The following CAB39 variants were observed in gnomAD, a reference collection of about 807,000 sequenced individuals.
The protein encoded by CAB39 is calcium binding protein 39.
In CAB39, 8 loss-of-function variants were observed where a neutral mutation model predicts 40.0. That is an observed-to-expected ratio of 0.20 (90% CI 0.12 to 0.36). The LOEUF is 0.36. Ranked by LOEUF, CAB39 falls within the 10% of genes least tolerant of loss-of-function variation. The pLI, the probability that CAB39 is intolerant of heterozygous loss-of-function variation, is 1.00. For missense variants in CAB39, 270 were observed against 401.1 expected, an observed-to-expected ratio of 0.67 and a Z score of 2.79; for synonymous variants, 156 against 141.6, an observed-to-expected ratio of 1.10 and a Z score of -0.72.
At chr2:230,764,761 G>T (rs756353646) in intron 2 of CAB39, among the ~76,000 whole-genome samples, 1 of 152,214 alleles carries the variant, frequency 6.6e-6, no homozygotes, top group Non-Finnish European at 1.5e-5. Flanking sequence ...AGTCTGAATA[G>T]TGTGTCTGTC....
intron 7 of CAB39, among the ~76,000 whole-genome samples, chr2:230,816,307 T>G (rs1197835189): frequency 6.6e-6 from 1 of 152,230 alleles, no homozygotes; most frequent in Non-Finnish European, 1.5e-5. Flanking sequence ...TGAAGTCATC[T>G]TCCTTCAGAT....
intron 2 of CAB39, among the ~76,000 whole-genome samples, chr2:230,774,466 C>G (rs114536913): frequency 0.02 from 2,999 of 152,038 alleles, 92 homozygotes; most frequent in African/African-American, 0.068. Flanking sequence ...TTTTAGGTAA[C>G]TAGGGGCAGG....
chr2:230,811,188 ACTC>A (rs969659967), intron 6 of CAB39, among the ~76,000 whole-genome samples: 3 of 152,224 alleles, frequency 2.0e-5, no homozygotes, highest in Non-Finnish European at 4.4e-5. Context: ...TTTTTCCACT[ACTC>A]ATTTAAATTT....
intron 1 of CAB39, among the ~76,000 whole-genome samples, chr2:230,743,964 G>A (rs1026763802): frequency 1.2e-4 from 17 of 145,742 alleles, no homozygotes; most frequent in South Asian, 4.3e-4. Flanking sequence ...CTGTCACCCC[G>A]GCTGGAGTGC....
chr2:230,748,763 T>A (rs1382106568), intron 1 of CAB39, among the ~76,000 whole-genome samples: 2 of 138,140 alleles, frequency 1.4e-5, no homozygotes, highest in African/African-American at 5.3e-5. Context: ...GCTGAGATCA[T>A]GCCACTGCAC....
chr2:230,792,337 TAAAAG>T (rs1451951789), intron 3 of CAB39, among the ~76,000 whole-genome samples: 2 of 152,178 alleles, frequency 1.3e-5, no homozygotes, highest in Middle Eastern at 6.3e-3. Context: ...GACATCAACT[TAAAAG>T]AAAAGTGTGC....
At chr2:230,752,129 G>A (rs1695099904) in intron 1 of CAB39, 1 of 139,248 alleles carries the variant, frequency 7.2e-6, no homozygotes, top group Non-Finnish European at 1.5e-5. Context: ...CTTTTTTAAA[G>A]TGATGATTTT....
intron 2 of CAB39, among the ~76,000 whole-genome samples, chr2:230,776,353 C>T (rs967985587): frequency 6.6e-6 from 1 of 152,166 alleles, no homozygotes; most frequent in African/African-American, 2.4e-5. Context: ...CCAGTGGTAA[C>T]CTCTCACATA....
At chr2:230,782,659 C>T (rs1695707687) in intron 2 of CAB39, among the ~76,000 whole-genome samples, 1 of 152,002 alleles carries the variant, frequency 6.6e-6, no homozygotes, top group Admixed American at 6.5e-5. Context: ...GAGCACAAGG[C>T]AAATCACAAC....
At chr2:230,813,258 G>A (rs1192000107) in intron 6 of CAB39, among the ~76,000 whole-genome samples, 2 of 152,214 alleles carry the variant, frequency 1.3e-5, no homozygotes, top group African/African-American at 4.8e-5. Context: ...TTTCGGTTTT[G>A]TAACTCTGCT....
intron 1 of CAB39, among the ~76,000 whole-genome samples, chr2:230,730,251 G>C (rs909104621): frequency 2.6e-5 from 4 of 152,038 alleles, no homozygotes; most frequent in African/African-American, 4.8e-5. Context: ...TGGGACTGCA[G>C]GTGCACACCA....
chr2:230,818,770 C>G lies in CAB39; in HGVS notation c.*66C>G. ...GCTGTTAGCTATTCAGCATCAGGCA[C>G]TCTTATTGATTCATGAGGAACATTA... On this transcript the variant is annotated 3_prime_UTR_variant, in exon 9 of 9. Coordinates refer to ENST00000258418, the MANE Select transcript of CAB39 (RefSeq NM_016289.4). 1.6e-6 allele frequency: 2 copies of G among 1,246,300 alleles called. No individual in the cohort carries two copies. The highest frequency in any genetic ancestry group is 1.5e-5 in the African/African-American group (1 of 66,558). 77.2% of individuals were successfully genotyped at this position (1,246,300 alleles called of 1,614,324 possible). A position where few individuals can be genotyped will look rare whatever the true frequency, so the allele number is the denominator to read the frequency against.
rs1559612866 is a variant in CAB39 at position 230,793,295 on chromosome 2, G to C, written c.362G>C (p.Cys121Ser). The C allele has an allele frequency of 1.2e-6, 2 of 1,601,602 alleles. No homozygotes were observed. Among genetic ancestry groups the C allele is most frequent in the Non-Finnish European group, 1.7e-6 (2 of 1,169,748 alleles). Residue 121 changes from cysteine to serine, a missense_variant, in exon 4 of 9, where the codon TGC becomes TCC. Cys to Ser is a moderately radical substitution (Grantham distance 112, BLOSUM62 -1). Transcript: ENST00000258418. ...GTRTPTVEYICTQQNILFMLL... is the reference protein window; with the variant it reads ...GTRTPTVEYISTQQNILFMLL... ...AGAACTCCTACTGTTGAATACATCTGCACCCAACAGAATATTTTGTTCATG... is the reference window on the plus strand; with the variant it reads ...AGAACTCCTACTGTTGAATACATCTCCACCCAACAGAATATTTTGTTCATG...
chr2:230,753,359 G>A (rs373973301), intron 1 of CAB39, among the ~76,000 whole-genome samples: 40 of 152,276 alleles, frequency 2.6e-4, no homozygotes, highest in Non-Finnish European at 5.0e-4. Context: ...TAGCAGGTAC[G>A]GATTGCCACA....
At chr2:230,782,286 A>G (rs189582015) in intron 2 of CAB39, among the ~76,000 whole-genome samples, 211 of 151,276 alleles carry the variant, frequency 1.4e-3, no homozygotes, top group African/African-American at 4.9e-3. Context: ...ATTTGGATAT[A>G]TTTTTCAAGC....
In CAB39 at chr2:230,757,182, C is replaced by T. The variant is rs112735046; in HGVS notation, c.-43-2777C>T. Among the ~76,000 whole-genome samples, 1,077 of 152,276 alleles carry T rather than the reference C, an allele frequency of 7.1e-3. 12 individuals carry two copies. Among genetic ancestry groups the T allele is most frequent in the African/African-American group, 0.023 (952 of 41,538 alleles). On this transcript the variant is annotated intron_variant, in intron 1 of 8. Transcript: ENST00000258418. ...GAGTGCAGTGGTACAGTCACCACCT[C>T]TTAGGCTCAAGTGATGCTCCAGCCT...
intron 1 of CAB39, among the ~76,000 whole-genome samples, chr2:230,744,379 C>T (rs1455639144): frequency 1.3e-5 from 2 of 152,092 alleles, no homozygotes; most frequent in East Asian, 1.9e-4. Flanking sequence ...CTGCAGCCTC[C>T]ACCTCCCAGG....
At chr2:230,782,813 C>CTTTCTTTTTTTTTTTTTTTTTTTT (rs1286339069) in intron 2 of CAB39, among the ~76,000 whole-genome samples, 2 of 81,764 alleles carry the variant, frequency 2.4e-5, no homozygotes, top group Admixed American at 1.2e-4. Flanking sequence ...TTCTTTCTTT[C>CTTTCTTTTTTTTTTTTTTTTTTTT]TTTTTTTTTT....
chr2:230,744,318 A>G lies in CAB39; in HGVS notation c.-43-15641A>G, dbSNP rs548623737. On this transcript the variant is annotated intron_variant, in intron 1 of 8. Transcript: ENST00000258418. ...CATATTTTTTCTTTTTTTGGAGACA[A>G]AGTCTTACTCTGTTGCCCAGGCTGG... Among the ~76,000 whole-genome samples the G allele has an allele frequency of 3.4e-5, 5 of 148,046 alleles. No individual in the cohort carries two copies. The South Asian group carries it at 8.7e-4, about 26-fold the overall frequency.
Sources: gnomAD v4.1 joint callset for allele counts (sites outside exome capture counted in the v4.1 genomes callset) on GRCh38, gnomAD v4.1.1 for gene constraint, MANE v1.5 for transcripts, NCBI Gene and HGNC (gene_info 2026-07-23, HGNC 2026-07-21) for gene names.